GALNT9: variants seen among roughly 807,000 people sequenced by gnomAD.
GALNT9 encodes polypeptide N-acetylgalactosaminyltransferase 9.
A neutral mutation model predicts 63.1 loss-of-function variants in GALNT9; 47 were observed. The observed-to-expected ratio is 0.75, with a 90% CI of 0.59 to 0.95. The LOEUF is 0.95. Among genes scored for constraint, GALNT9 ranks in the 40% least tolerant of loss-of-function variants. The probability of loss-of-function intolerance (pLI) is 0.00; values close to 1 mark genes in which losing one functional copy is unlikely to be tolerated. For missense variants in GALNT9, 829 were observed against 874.8 expected (o/e 0.95, Z 0.66); for synonymous variants, 396 against 365.7 (o/e 1.08, Z -0.94).
intron 6 of GALNT9, among the ~76,000 whole-genome samples, chr12:132,229,836 T>C (rs1394117698): frequency 2.6e-5 from 4 of 152,240 alleles, no homozygotes; most frequent in African/African-American, 4.8e-5. Flanking sequence ...CTTTCTCCGA[T>C]GAGGAAGCCG....
rs1437037359 is a variant in GALNT9 at position 132,257,739 on chromosome 12, G to A, written c.909C>T (p.Ile303=). The change falls in exon 5 of 11, where the codon ATC becomes ATT. Residue 303 remains isoleucine, a synonymous_variant. Coordinates refer to ENST00000328957, the MANE Select transcript of GALNT9 (RefSeq NM_001122636.2). ...GGTCCAGCCAGTCCTGCGGGGGGAT[G>A]ATGTACATGCACCAGAGGCCCCAGT... The part of the protein sequence containing the change: ...GYNWGLWCMY[I]IPPQDWLDRG... 2 of 1,550,418 alleles carry A rather than the reference G, an allele frequency of 1.3e-6. No homozygotes were observed. Among genetic ancestry groups the A allele is most frequent in the East Asian group, 2.4e-5 (1 of 40,888 alleles).
At chr12:132,288,344 A>C (rs114973117) in intron 1 of GALNT9, among the ~76,000 whole-genome samples, 2,495 of 152,374 alleles carry the variant, frequency 0.016, 56 homozygotes, top group African/African-American at 0.057. Flanking sequence ...TGAAGGATAC[A>C]GATTGGACGT....
chr12:132,205,331 A>C (rs1876600538), intron 6 of GALNT9: 1 of 152,156 alleles, frequency 6.6e-6, no homozygotes, highest in African/African-American at 2.4e-5. Flanking sequence ...AGGGAGAGAG[A>C]GAACCGGGAG....
intron 5 of GALNT9, among the ~76,000 whole-genome samples, chr12:132,248,822 A>AT (rs1275917589): frequency 2.0e-5 from 3 of 152,262 alleles, no homozygotes; most frequent in East Asian, 1.9e-4. Context: ...TGCTAGTTAT[A>AT]TTTTTTCTAA....
intron 5 of GALNT9, among the ~76,000 whole-genome samples, chr12:132,248,611 T>C (rs1265483893): frequency 6.6e-6 from 1 of 152,188 alleles, no homozygotes; most frequent in Non-Finnish European, 1.5e-5. Flanking sequence ...AGGACTGCAA[T>C]GGGCAGTTGC....
rs1880616330 is a variant in GALNT9, at chr12:132,286,949, C to T, written c.239-519G>A. Among the ~76,000 whole-genome samples the T allele has an allele frequency of 1.3e-5, 2 of 152,104 alleles. 1 individual carries two copies. The highest frequency in any genetic ancestry group is 2.9e-5 in the Non-Finnish European group (2 of 68,008). Reference sequence around the variant, plus strand: ...GAACTCCTGACCTCAAGCGATCCACCTACCTAGGCCTCCCAAAGTGCTGGG... The same window carrying T: ...GAACTCCTGACCTCAAGCGATCCACTTACCTAGGCCTCCCAAAGTGCTGGG... On this transcript the variant is annotated intron_variant, in intron 1 of 10. Coordinates refer to ENST00000328957, the MANE Select transcript of GALNT9 (RefSeq NM_001122636.2). This position sits in a 1 kb window ranked among gnomAD's most constrained non-coding sequence, Gnocchi z 7.4.
intron 7 of GALNT9, 124 bp downstream of exon 7, chr12:132,203,373 TGTGCACAC>T: frequency 1.4e-6 from 1 of 722,430 alleles, no homozygotes; most frequent in Non-Finnish European, 2.3e-6. Flanking sequence ...TGCTTGCACC[TGTGCACAC>T]CTGTCAACAC....
intron 6 of GALNT9, among the ~76,000 whole-genome samples, chr12:132,222,997 TACACC>T (rs1877524113): frequency 9.8e-5 from 1 of 10,228 alleles, no homozygotes; most frequent in Non-Finnish European, 2.0e-4. Context: ...ACACCCCACA[TACACC>T]CCACACAACC....
At chr12:132,302,992 G>A (rs1881360769) in intron 1 of GALNT9, among the ~76,000 whole-genome samples, 1 of 152,120 alleles carries the variant, frequency 6.6e-6, no homozygotes, top group African/African-American at 2.4e-5. Context: ...GGAACCCAGG[G>A]GCCTGTGCAG....
intron 4 of GALNT9, among the ~76,000 whole-genome samples, 190 bp downstream of exon 4, chr12:132,260,756 CAG>C (rs1555239648): frequency 6.6e-6 from 1 of 152,240 alleles, no homozygotes; most frequent in African/African-American, 2.4e-5. Flanking sequence ...GAGCTGGACA[CAG>C]AGAGGCCGCA....
intron 1 of GALNT9, among the ~76,000 whole-genome samples, chr12:132,288,949 A>T (rs782637261): frequency 6.6e-6 from 1 of 152,176 alleles, no homozygotes; most frequent in Non-Finnish European, 1.5e-5. Context: ...ATGGTTCCAG[A>T]TGGCTGCCCA....
At chr12:132,281,278 G>A (rs1880332445) in intron 2 of GALNT9, among the ~76,000 whole-genome samples, 1 of 152,218 alleles carries the variant, frequency 6.6e-6, no homozygotes. Context: ...CATTCCGCAG[G>A]CACCGGGGAA....
chr12:132,221,860 A>G (rs1269669924), intron 6 of GALNT9, among the ~76,000 whole-genome samples: 1 of 152,150 alleles, frequency 6.6e-6, no homozygotes, highest in African/African-American at 2.4e-5. Context: ...GCTGGAATCG[A>G]ATTTCAGCAA....
intron 5 of GALNT9, among the ~76,000 whole-genome samples, chr12:132,251,945 G>T (rs1340261732): frequency 6.6e-6 from 1 of 152,190 alleles, no homozygotes; most frequent in African/African-American, 2.4e-5. Context: ...AGCTCCCCCA[G>T]GCCTGCCCCC....
At chr12:132,239,473 CAA>C (rs1555236657) in intron 6 of GALNT9, among the ~76,000 whole-genome samples, 2 of 141,048 alleles carry the variant, frequency 1.4e-5, no homozygotes, top group African/African-American at 5.3e-5. Flanking sequence ...GACAGAGAGA[CAA>C]AGAGACAGAG....
rs1868484643 is a variant in GALNT9, at chr12:132,315,854, A to G, written c.238+13112T>C. Among the ~76,000 whole-genome samples the G allele has an allele frequency of 6.6e-6, 1 of 152,168 alleles. No individual in the cohort carries two copies. Among genetic ancestry groups the G allele is most frequent in the East Asian group, 1.9e-4 (1 of 5,204 alleles). On this transcript the variant is annotated intron_variant, in intron 1 of 10. Coordinates refer to ENST00000328957, the MANE Select transcript of GALNT9 (RefSeq NM_001122636.2). This position sits in a 1 kb window ranked among gnomAD's most constrained non-coding sequence, Gnocchi z 6.1. ...CACGGCCTCAGGGGAAGACCCCTCT[A>G]TGCTGGGGCTGCAATAAACCCCTGT... is the stretch of plus-strand genomic sequence containing the variant.
intron 6 of GALNT9, among the ~76,000 whole-genome samples, chr12:132,219,718 T>C (rs1197814727): frequency 7.3e-6 from 1 of 136,568 alleles, no homozygotes; most frequent in African/African-American, 2.8e-5. Context: ...AAGGGACACC[T>C]CCCCAGGGTG....
Position 132,245,885 on chromosome 12 carries a change from G to C in GALNT9, c.1077+2025C>G, listed in dbSNP as rs977258260. Among the ~76,000 whole-genome samples the C allele has an allele frequency of 2.0e-5, 3 of 152,178 alleles. No homozygotes were observed. Among genetic ancestry groups the C allele is most frequent in the African/African-American group, 7.2e-5 (3 of 41,450 alleles). On this transcript the variant is annotated intron_variant, in intron 6 of 10. Coordinates refer to ENST00000328957, the MANE Select transcript of GALNT9 (RefSeq NM_001122636.2). The surrounding 1 kb of genome is among the most constrained non-coding windows in gnomAD (Gnocchi z 6.3). ...TTCACTGACGGTGGCTCTGTCCCCA[G>C]GACCACATCTGCTGGGTGCCCTCCA...
intron 2 of GALNT9, among the ~76,000 whole-genome samples, chr12:132,271,772 C>G (rs1379197720): frequency 2.0e-5 from 3 of 152,062 alleles, no homozygotes; most frequent in Non-Finnish European, 4.4e-5. Flanking sequence ...GGCCAGGGCC[C>G]CAAGGCGAGC....
Sources: allele counts gnomAD v4.1 joint callset (sites outside exome capture counted in the v4.1 genomes callset), GRCh38; gene constraint gnomAD v4.1.1; non-coding constraint Gnocchi (gnomAD v3.1); transcripts MANE v1.5; gene names NCBI Gene and HGNC (gene_info 2026-07-23, HGNC 2026-07-21).